Variants in TLL1 observed in about 807,000 individuals in gnomAD.
TLL1 encodes tolloid-like protein 1.
Under a neutral mutation model 128.2 loss-of-function variants are expected in TLL1, and 49 were observed. That is an observed-to-expected ratio of 0.38 (90% confidence interval 0.30 to 0.48). The LOEUF (loss-of-function observed/expected upper bound fraction) is 0.48, where lower values mean the gene tolerates loss of function less well. Ranked by LOEUF, TLL1 falls within the 20% of genes least tolerant of loss-of-function variation. The pLI is 0.96. For missense variants in TLL1, 1,123 were observed against 1,242.0 expected (o/e 0.90, Z 1.44); for synonymous variants, 454 against 418.8 (o/e 1.08, Z -1.03).
At chr4:165,981,543 G>T (rs922382745) in intron 1 of TLL1, among the ~76,000 whole-genome samples, 2 of 152,010 alleles carry the variant, frequency 1.3e-5, no homozygotes, top group Non-Finnish European at 2.9e-5. Flanking sequence ...TAAAACTTAT[G>T]TCAGTTCTAA....
At chr4:165,901,999 T>A (rs1732014536) in intron 1 of TLL1, among the ~76,000 whole-genome samples, 1 of 152,252 alleles carries the variant, frequency 6.6e-6, no homozygotes, top group Non-Finnish European at 1.5e-5. Flanking sequence ...CGAGCTGTGG[T>A]GGGTTCTGCC....
intron 2 of TLL1, among the ~76,000 whole-genome samples, chr4:165,991,920 G>A (rs912910508): frequency 1.2e-4 from 18 of 151,874 alleles, no homozygotes; most frequent in African/African-American, 4.1e-4. Context: ...TTTCCTATTT[G>A]TCTAATAAAA....
intron 1 of TLL1, among the ~76,000 whole-genome samples, chr4:165,985,789 A>G (rs1736367582): frequency 6.6e-6 from 1 of 151,992 alleles, no homozygotes; most frequent in South Asian, 2.1e-4. Context: ...TCTCTGATTA[A>G]AAAAATGTTT....
intron 1 of TLL1, among the ~76,000 whole-genome samples, chr4:165,940,886 C>T (rs1210165673): frequency 6.6e-6 from 1 of 152,132 alleles, no homozygotes. Flanking sequence ...ATTTTGGGGG[C>T]TATTTCTTCC....
At position 166,042,484 on chromosome 4, in the gene TLL1, G is replaced by T. The variant is rs542341651; in HGVS notation, c.1378+341G>T. 6.6e-5 allele frequency among the ~76,000 whole-genome samples: 10 copies of T among 152,200 alleles called. No homozygotes were observed. In the South Asian group the frequency reaches 2.1e-3, roughly 32 times the overall value. Reference sequence around the variant, plus strand: ...TTTGTACTGATTTTGTGTCTGTTTGGTCCCTGTATTCCCGAAATACTTTTT... The same window carrying T: ...TTTGTACTGATTTTGTGTCTGTTTGTTCCCTGTATTCCCGAAATACTTTTT... On this transcript the variant is annotated intron_variant, in intron 11 of 20. Coordinates refer to ENST00000061240, the MANE Select transcript of TLL1 (RefSeq NM_012464.5).
intron 3 of TLL1, 145 bp downstream of exon 3, chr4:165,993,029 T>A (rs1411788312): frequency 3.0e-6 from 2 of 673,480 alleles, no homozygotes; most frequent in Non-Finnish European, 5.2e-6. Context: ...TTTTGCTAGC[T>A]CATATCTGAT....
chr4:166,017,550 TAAC>T (rs1738006594), intron 8 of TLL1, among the ~76,000 whole-genome samples: 1 of 152,176 alleles, frequency 6.6e-6, no homozygotes, highest in Non-Finnish European at 1.5e-5. Context: ...TTTTTATTCC[TAAC>T]AACAGTGTGT....
At position 166,096,816 on chromosome 4, in the gene TLL1, C is replaced by A. The variant is rs368084966; in HGVS notation, c.2657-2461C>A. Among the ~76,000 whole-genome samples the A allele has an allele frequency of 6.4e-4, 98 of 152,204 alleles. 4 individuals carry two copies. In the South Asian group the frequency reaches 0.019, roughly 30 times the overall value. On this transcript the variant is annotated intron_variant, in intron 19 of 20. Coordinates refer to ENST00000061240, the MANE Select transcript of TLL1 (RefSeq NM_012464.5). ...GATTTACATATTTACATGTTGAATT[C>A]AGAAATATTTTTCACAAAATATTTT...
intron 5 of TLL1, among the ~76,000 whole-genome samples, chr4:166,003,137 TA>T (rs1452713004): frequency 2.0e-5 from 3 of 152,312 alleles, no homozygotes; most frequent in African/African-American, 7.2e-5. Flanking sequence ...CGAATGCTTC[TA>T]AAAATGATGT....
At chr4:166,032,632 G>T (rs1448041123) in intron 9 of TLL1, among the ~76,000 whole-genome samples, 1 of 152,100 alleles carries the variant, frequency 6.6e-6, no homozygotes. Context: ...TAAAGGATAT[G>T]TGAAAAAATT....
At chr4:166,068,756 G>A (rs889165691) in intron 16 of TLL1, among the ~76,000 whole-genome samples, 7 of 151,764 alleles carry the variant, frequency 4.6e-5, no homozygotes, top group Admixed American at 2.0e-4. Flanking sequence ...TAATAATTAC[G>A]ACAACAGGAA....
chr4:165,890,867 T>G (rs192851579), intron 1 of TLL1, among the ~76,000 whole-genome samples: 1 of 152,332 alleles, frequency 6.6e-6, no homozygotes, highest in East Asian at 1.9e-4. Flanking sequence ...TGACCCTACA[T>G]TTTCCTTCCA....
intron 19 of TLL1, among the ~76,000 whole-genome samples, chr4:166,091,608 G>A (rs1050034522): frequency 3.3e-5 from 5 of 152,048 alleles, no homozygotes; most frequent in Non-Finnish European, 1.5e-5. Flanking sequence ...TGTTTAAGTA[G>A]AACTGTACCT....
chr4:166,034,291 A>G (rs1220537029), intron 9 of TLL1, among the ~76,000 whole-genome samples: 3 of 152,206 alleles, frequency 2.0e-5, no homozygotes, highest in Admixed American at 6.5e-5. Flanking sequence ...GATATGAAGA[A>G]TTTCAAGGAA....
chr4:166,059,876 C>A lies in TLL1; in HGVS notation c.1847-152C>A. The A allele has an allele frequency of 1.0e-5, 9 of 883,346 alleles. No homozygotes were observed. In the South Asian group the frequency reaches 1.3e-4, roughly 13 times the overall value. The allele number at this position is 883,346 out of a possible 1,614,324, so 54.7% of individuals were successfully genotyped here. A position where few individuals can be genotyped will look rare whatever the true frequency, so the allele number is the denominator to read the frequency against. Reference sequence around the variant, plus strand: ...AATGACCACAATACTTGTATCAAGACTAAGGAGCAGAGACTGCCATTTCTG... The same window carrying A: ...AATGACCACAATACTTGTATCAAGAATAAGGAGCAGAGACTGCCATTTCTG... On this transcript the variant is annotated intron_variant, in intron 14 of 20. Coordinates refer to ENST00000061240, the MANE Select transcript of TLL1 (RefSeq NM_012464.5).
At chr4:166,065,916 G>A in intron 16 of TLL1, 53 bp downstream of exon 16, 1 of 1,249,098 alleles carries the variant, frequency 8.0e-7, no homozygotes, top group South Asian at 1.4e-5. Flanking sequence ...AATGTGGGTT[G>A]GATTAAATTG....
At chr4:166,053,442 G>A (rs1336880751) in intron 12 of TLL1, among the ~76,000 whole-genome samples, 1 of 152,054 alleles carries the variant, frequency 6.6e-6, no homozygotes, top group African/African-American at 2.4e-5. Flanking sequence ...GGAGGGCAAG[G>A]TTATTTGATA....
At chr4:165,985,535 C>T (rs980620423) in intron 1 of TLL1, among the ~76,000 whole-genome samples, 5 of 151,894 alleles carry the variant, frequency 3.3e-5, no homozygotes, top group South Asian at 2.1e-4. Flanking sequence ...TTTATAAATT[C>T]GTACATATTT....
chr4:166,058,443 G>A (rs958663028), intron 14 of TLL1, among the ~76,000 whole-genome samples: 1 of 152,104 alleles, frequency 6.6e-6, no homozygotes, highest in South Asian at 2.1e-4. Flanking sequence ...ATCAATAAAA[G>A]ATTGATTTTT....
Sources: gnomAD v4.1 joint callset for allele counts (sites outside exome capture counted in the v4.1 genomes callset) on GRCh38, gnomAD v4.1.1 for gene constraint, MANE v1.5 for transcripts, NCBI Gene and HGNC (gene_info 2026-07-23, HGNC 2026-07-21) for gene names.